The following SPTA1 variants were observed in gnomAD, a reference collection of about 807,000 sequenced individuals.
SPTA1 encodes spectrin alpha, erythrocytic 1.
Under a neutral mutation model 324.7 loss-of-function variants are expected in SPTA1, and 177 were observed. That is an observed-to-expected ratio of 0.55 (90% CI 0.48 to 0.62). The LOEUF is 0.62. Among genes scored for constraint, SPTA1 ranks in the 20% least tolerant of loss-of-function variants. SPTA1 has a pLI of 0.00. For synonymous variants in SPTA1, 1,195 were observed against 1,041.3 expected, an observed-to-expected ratio of 1.15 and a Z score of -2.84; for missense variants, 3,162 against 2,883.6, an observed-to-expected ratio of 1.10 and a Z score of -2.21.
chr1:158,672,247 T>C (rs1472333340), intron 10 of SPTA1, 51 bp from the exon 11 acceptor site: 2 of 1,528,934 alleles, frequency 1.3e-6, no homozygotes, highest in Non-Finnish European at 8.9e-7. Flanking sequence ...TTTATTTTAT[T>C]CTATATTTAT....
chr1:158,685,033 A>G lies in SPTA1; in HGVS notation c.264+75T>C. 6 of 1,576,266 alleles carry G rather than the reference A, an allele frequency of 3.8e-6. 1 individual carries two copies. The South Asian group carries it at 6.7e-5, about 18-fold the overall frequency. On this transcript the variant is annotated intron_variant, in intron 2 of 51. Transcript: ENST00000643759. ...GTACCCACACATACCCATTAACATT[A>G]ACATAAAGAAAAACCTATTTCCTTC...
At chr1:158,622,708 C>A (rs1367477458) in intron 43 of SPTA1, 2 of 407,918 alleles carry the variant, frequency 4.9e-6, no homozygotes, top group East Asian at 1.1e-4. Flanking sequence ...CTATCATACA[C>A]AAAGACCTCC....
chr1:158,642,793 A>G, intron 32 of SPTA1, 21 bp downstream of exon 32: 4 of 1,613,768 alleles, frequency 2.5e-6, no homozygotes, highest in Non-Finnish European at 3.4e-6. Flanking sequence ...AAATTTTCCA[A>G]GATTCCTATT....
At chr1:158,684,752 G>A (rs1655047242) in intron 2 of SPTA1, among the ~76,000 whole-genome samples, 1 of 152,034 alleles carries the variant, frequency 6.6e-6, no homozygotes. Context: ...AATATGTAAA[G>A]TATCCTATGC....
At position 158,657,501 on chromosome 1, in the gene SPTA1, A is replaced by G. The variant is rs1441585606; in HGVS notation, c.2781T>C (p.Tyr927=). 6.3e-7 allele frequency: 1 copy of G among 1,593,570 alleles called. No individual in the cohort carries two copies. Among genetic ancestry groups the G allele is most frequent in the South Asian group, 1.1e-5 (1 of 90,744 alleles). Residue 927 remains tyrosine (Y), a synonymous_variant, in exon 19 of 52, where the codon TAT becomes TAC. Transcript: ENST00000643759. ...CCCCAGCTGCTTCTTCATCAGCACC[A>G]TAGTTAGTATTATCTACAATAGGTT... is the stretch of plus-strand genomic sequence containing the variant. ...EKEPIVDNTN[Y]GADEEAAGAL... is the part of the protein sequence containing the mutation.
At chr1:158,665,893 A>T (rs991718870) in intron 16 of SPTA1, among the ~76,000 whole-genome samples, 2 of 152,180 alleles carry the variant, frequency 1.3e-5, no homozygotes, top group African/African-American at 4.8e-5. Context: ...CCTATCAAAG[A>T]TCACATAACT....
chr1:158,629,589 G>A (rs1650548122), intron 39 of SPTA1, among the ~76,000 whole-genome samples: 1 of 152,004 alleles, frequency 6.6e-6, no homozygotes, highest in East Asian at 1.9e-4. Flanking sequence ...ATTTAATGGT[G>A]AAACTAAAAG....
chr1:158,669,449 T>G lies in SPTA1; in HGVS notation c.1792A>C (p.Ile598Leu). 1 of 1,614,174 alleles carries G rather than the reference T, an allele frequency of 6.2e-7. No homozygotes were observed. The highest frequency in any genetic ancestry group is 8.5e-7 in the Non-Finnish European group (1 of 1,180,012). ...YEDSDDLKNWINKKKKLADDE... is the reference protein window; with the variant it reads ...YEDSDDLKNWLNKKKKLADDE... ...TCTGCCAACTTTTTCTTCTTGTTGA[T>G]CCAGTTCTTTAGGTCATCTGAGTCC... The change falls in exon 14 of 52, where the codon ATC becomes CTC. Residue 598 changes from isoleucine (I) to leucine (L), a missense_variant. Physicochemically the swap from Ile to Leu is conservative, Grantham distance 5. Transcript: ENST00000643759.
chr1:158,666,329 A>G lies in SPTA1; in HGVS notation c.2207T>C (p.Val736Ala). 1.2e-6 allele frequency: 2 copies of G among 1,613,760 alleles called. No individual in the cohort carries two copies. Among genetic ancestry groups the G allele is most frequent in the Non-Finnish European group, 1.7e-6 (2 of 1,179,970 alleles). The change falls in exon 16 of 52, where the codon GTG becomes GCG. Residue 736 changes from valine to alanine, a missense_variant. Val to Ala is a moderately conservative substitution (Grantham distance 64). Transcript: ENST00000643759. ...CTAACAACAAACCTGACGAGCAGCCACAGCCGACTCCAGGAGGCCGTGTTT... is the reference window on the plus strand; with the variant it reads ...CTAACAACAAACCTGACGAGCAGCCGCAGCCGACTCCAGGAGGCCGTGTTT... ...LRKHGLLESA[V>A]AARQDQVDIL...
intron 45 of SPTA1, 49 bp downstream of exon 45, chr1:158,619,173 C>T (rs747334055): frequency 3.6e-5 from 56 of 1,548,866 alleles, no homozygotes; most frequent in Non-Finnish European, 3.3e-5. Flanking sequence ...ATCCCTATGG[C>T]AAATGGTGGT....
intron 11 of SPTA1, 77 bp downstream of exon 11, chr1:158,671,982 G>T: frequency 6.4e-7 from 1 of 1,574,528 alleles, no homozygotes. Context: ...GGTTGTGAGG[G>T]AACTCATGGT....
intron 39 of SPTA1, among the ~76,000 whole-genome samples, chr1:158,633,384 A>G (rs1362323224): frequency 6.6e-6 from 1 of 152,038 alleles, no homozygotes; most frequent in Non-Finnish European, 1.5e-5. Flanking sequence ...TCAAAATAAA[A>G]AGTTCTGTTT....
At chr1:158,643,630 G>C (rs1651781012) in intron 30 of SPTA1, among the ~76,000 whole-genome samples, 1 of 152,174 alleles carries the variant, frequency 6.6e-6, no homozygotes, top group Non-Finnish European at 1.5e-5. Context: ...GTGTGGTACA[G>C]AGTTCCCTAA....
rs181840035 is a variant in SPTA1 at position 158,685,362 on chromosome 1, G to A, written c.25-15C>T. 6.2e-7 allele frequency: 1 copy of A among 1,612,034 alleles called. No individual in the cohort carries two copies. The highest frequency in any genetic ancestry group is 1.3e-5 in the African/African-American group (1 of 74,988). On this transcript the variant is annotated splice_polypyrimidine_tract_variant and intron_variant, in intron 1 of 51. Coordinates refer to ENST00000643759, the MANE Select transcript of SPTA1 (RefSeq NM_003126.4). ...CTCTCCACAACCTGCAAGTTAAAAA[G>A]ATTCTGTTACTTGCTAGTTCTCAAA...
At chr1:158,676,956 C>A (rs1424923583) in intron 7 of SPTA1, among the ~76,000 whole-genome samples, 1 of 151,948 alleles carries the variant, frequency 6.6e-6, no homozygotes, top group East Asian at 1.9e-4. Flanking sequence ...AAAACAACAA[C>A]AACAACAAAA....
At chr1:158,685,729 C>T (rs529143807) in intron 1 of SPTA1, among the ~76,000 whole-genome samples, 2 of 152,048 alleles carry the variant, frequency 1.3e-5, no homozygotes, top group African/African-American at 2.4e-5. Flanking sequence ...TTGAGAAGTG[C>T]TTATTATTTT....
intron 35 of SPTA1, 82 bp downstream of exon 35, chr1:158,639,500 A>T: frequency 7.0e-7 from 1 of 1,438,608 alleles, no homozygotes; most frequent in Non-Finnish European, 9.8e-7. Flanking sequence ...CTATGTTTTC[A>T]AATGGTCTCC....
rs192649192 is a variant in SPTA1 at position 158,665,726 on chromosome 1, T to C, written c.2220+590A>G. On this transcript the variant is annotated intron_variant, in intron 16 of 51. Transcript: ENST00000643759. The stretch of plus-strand genomic sequence containing the variant: ...CATTGGGAAAGTCACTTTACTTCTA[T>C]TGGTTTCAATTTTCCTTATTTTAAA... Among the ~76,000 whole-genome samples the C allele has an allele frequency of 2.8e-3, 432 of 152,358 alleles. 2 individuals are homozygous for C. Among genetic ancestry groups the C allele is most frequent in the African/African-American group, 9.2e-3 (383 of 41,580 alleles).
At chr1:158,621,095 G>A (rs765490142) in intron 43 of SPTA1, among the ~76,000 whole-genome samples, 3 of 152,040 alleles carry the variant, frequency 2.0e-5, no homozygotes, top group Non-Finnish European at 4.4e-5. Flanking sequence ...TGTATCCTTA[G>A]CACAAATATA....
Sources: gnomAD v4.1 joint callset for allele counts (sites outside exome capture counted in the v4.1 genomes callset) on GRCh38, gnomAD v4.1.1 for gene constraint, MANE v1.5 for transcripts, NCBI Gene and HGNC (gene_info 2026-07-23, HGNC 2026-07-21) for gene names.